Variants in AFF3 observed in about 807,000 individuals in gnomAD.
AFF3 encodes the protein AF4/FMR2 family member 3.
Under a neutral mutation model 129.7 loss-of-function variants are expected in AFF3, and 32 were observed. The observed-to-expected ratio is 0.25, with a 90% confidence interval of 0.19 to 0.33. The LOEUF (loss-of-function observed/expected upper bound fraction) is 0.33, where lower values mean the gene tolerates loss of function less well. AFF3 is among the 10% of genes least tolerant of loss of function. AFF3 has a pLI of 1.00. For missense variants in AFF3, 1,373 were observed against 1,592.0 expected, an observed-to-expected ratio of 0.86 and a Z score of 2.34; for synonymous variants, 644 against 635.4, an observed-to-expected ratio of 1.01 and a Z score of -0.20.
intron 8 of AFF3, among the ~76,000 whole-genome samples, chr2:99,833,567 CTATGT>C (rs1302249992): frequency 6.6e-6 from 1 of 152,250 alleles, no homozygotes; most frequent in Non-Finnish European, 1.5e-5. Flanking sequence ...CAAAGGCACT[CTATGT>C]TATGAGTGTC....
intron 15 of AFF3, among the ~76,000 whole-genome samples, chr2:99,589,803 C>A (rs1213600898): frequency 6.6e-6 from 1 of 152,176 alleles, no homozygotes; most frequent in East Asian, 1.9e-4. Flanking sequence ...CCTTCTGGGT[C>A]TAGCGCAAAA....
At chr2:99,687,015 C>T (rs538785246) in intron 11 of AFF3, among the ~76,000 whole-genome samples, 4 of 152,334 alleles carry the variant, frequency 2.6e-5, no homozygotes, top group Admixed American at 2.6e-4. Context: ...AGAAATGGTT[C>T]CTCCCTTAGG....
intron 14 of AFF3, among the ~76,000 whole-genome samples, chr2:99,595,287 G>T (rs1438742722): frequency 6.6e-6 from 1 of 152,206 alleles, no homozygotes; most frequent in African/African-American, 2.4e-5. Context: ...GTATTGAGAA[G>T]AATAGAATTT....
intron 11 of AFF3, among the ~76,000 whole-genome samples, chr2:99,702,201 T>C (rs6746146): frequency 0.83 from 125,947 of 152,240 alleles, 52,147 homozygotes; most frequent in East Asian, 0.92. Flanking sequence ...TTCTGGAGTG[T>C]CTATACCATT....
intron 7 of AFF3, among the ~76,000 whole-genome samples, chr2:99,882,917 T>C (rs1692829598): frequency 6.6e-6 from 1 of 152,228 alleles, no homozygotes; most frequent in Non-Finnish European, 1.5e-5. Context: ...ATGTCCTGTG[T>C]TGATAGGGCC....
Position 99,601,507 on chromosome 2 carries a change from T to C in AFF3, c.1299A>G (p.Gly433=). ...AGCTGCTCTCGGTCTCCGAGTCAGATCCGGAGCTGCTCTCTGAGTCGCTGG... is the reference window on the plus strand; with the variant it reads ...AGCTGCTCTCGGTCTCCGAGTCAGACCCGGAGCTGCTCTCTGAGTCGCTGG... The part of the protein sequence containing the change: ...SSSSDSESSS[G]SDSETESSSS... Residue 433 remains glycine, a synonymous_variant, in exon 14 of 25, where the codon GGA becomes GGG. Transcript: ENST00000672756. The C allele has an allele frequency of 6.2e-7, 1 of 1,607,302 alleles. No individual in the cohort carries two copies. The highest frequency in any genetic ancestry group is 8.5e-7 in the Non-Finnish European group (1 of 1,177,512).
chr2:99,612,073 C>G (rs1311242835), intron 13 of AFF3, among the ~76,000 whole-genome samples: 2 of 152,084 alleles, frequency 1.3e-5, no homozygotes, highest in East Asian at 1.9e-4. Flanking sequence ...TCCTCAGGCC[C>G]GAAGGCCCAA....
intron 7 of AFF3, among the ~76,000 whole-genome samples, chr2:99,981,295 G>A (rs1679377246): frequency 1.3e-5 from 2 of 152,210 alleles, no homozygotes; most frequent in African/African-American, 4.8e-5. Flanking sequence ...TGGGATTACA[G>A]GCATGAGCCA....
intron 8 of AFF3, among the ~76,000 whole-genome samples, chr2:99,754,185 A>G (rs1202344011): frequency 6.6e-6 from 1 of 152,176 alleles, no homozygotes; most frequent in East Asian, 1.9e-4. Context: ...AGGATATGTG[A>G]TTTTGCTATA....
chr2:99,972,896 C>T (rs951407798), intron 7 of AFF3, among the ~76,000 whole-genome samples: 9 of 152,272 alleles, frequency 5.9e-5, no homozygotes, highest in South Asian at 2.1e-4. Flanking sequence ...TCAAAAGGTA[C>T]GCTGCGTTGC....
chr2:100,096,675 C>A, intron 4 of AFF3, among the ~76,000 whole-genome samples: 1 of 122,326 alleles, frequency 8.2e-6, no homozygotes, highest in African/African-American at 3.3e-5. Context: ...AACAAGGCCT[C>A]TAGATTATTT....
At chr2:99,842,606 A>G (rs1689398142) in intron 7 of AFF3, among the ~76,000 whole-genome samples, 2 of 152,200 alleles carry the variant, frequency 1.3e-5, no homozygotes, top group Non-Finnish European at 2.9e-5. Context: ...TTCAATTAAG[A>G]GCTAGCAACC....
At chr2:99,908,108 C>T (rs1694849098) in intron 7 of AFF3, among the ~76,000 whole-genome samples, 1 of 152,204 alleles carries the variant, frequency 6.6e-6, no homozygotes, top group Non-Finnish European at 1.5e-5. Flanking sequence ...CACCTCCTGC[C>T]TATTGGTCTA....
At chr2:100,104,350 G>C (rs2105494403) in intron 4 of AFF3, 52 bp downstream of exon 4, 1 of 866,184 alleles carries the variant, frequency 1.2e-6, no homozygotes. Context: ...GGGCCGCCGC[G>C]GCCGCCCCTC....
chr2:99,645,545 C>T (rs1244758103), intron 13 of AFF3, among the ~76,000 whole-genome samples: 1 of 152,172 alleles, frequency 6.6e-6, no homozygotes, highest in Non-Finnish European at 1.5e-5. Context: ...CTTCTTGTCA[C>T]TGCTGGGCGG....
At chr2:99,958,835 G>A (rs1381813572) in intron 7 of AFF3, among the ~76,000 whole-genome samples, 1 of 152,038 alleles carries the variant, frequency 6.6e-6, no homozygotes, top group Non-Finnish European at 1.5e-5. Flanking sequence ...TATCAAGGCC[G>A]GGTGCGGTGG....
At chr2:99,625,865 G>C (rs1682492136) in intron 13 of AFF3, among the ~76,000 whole-genome samples, 1 of 152,156 alleles carries the variant, frequency 6.6e-6, no homozygotes, top group Non-Finnish European at 1.5e-5. Flanking sequence ...GGGGATGAAA[G>C]GCAAGCTTTA....
At chr2:99,601,335 G>A (rs1246095423) in intron 14 of AFF3, 100 bp downstream of exon 14, 2 of 1,357,400 alleles carry the variant, frequency 1.5e-6, no homozygotes, top group Non-Finnish European at 1.9e-6. Flanking sequence ...CTGCAGGAGG[G>A]AGGAGACCTG....
intron 8 of AFF3, among the ~76,000 whole-genome samples, chr2:99,781,161 T>C (rs781289031): frequency 2.0e-5 from 3 of 152,152 alleles, no homozygotes; most frequent in Non-Finnish European, 4.4e-5. Context: ...CCTTTGCACC[T>C]ACTGTTCCCT....
Sources: allele counts gnomAD v4.1 joint callset (sites outside exome capture counted in the v4.1 genomes callset), GRCh38; gene constraint gnomAD v4.1.1; transcripts MANE v1.5; gene names NCBI Gene and HGNC (gene_info 2026-07-23, HGNC 2026-07-21).